Variants in B4GALNT3 observed in about 807,000 individuals in gnomAD.
The protein encoded by B4GALNT3 is beta-1,4-N-acetyl-galactosaminyltransferase 3, also known as beta-1,4-N-acetylgalactosaminyltransferase 3.
In B4GALNT3, 86 loss-of-function variants were observed where a neutral mutation model predicts 120.2. The ratio of observed to expected loss-of-function variants is 0.72; its 90% confidence interval spans 0.60 to 0.86. The LOEUF (loss-of-function observed/expected upper bound fraction) is 0.86. Among genes scored for constraint, B4GALNT3 ranks in the 40% least tolerant of loss-of-function variants. The pLI is 0.00. For synonymous variants in B4GALNT3, 518 were observed against 510.4 expected, an observed-to-expected ratio of 1.01 and a Z score of -0.20; for missense variants, 1,167 against 1,298.9, an observed-to-expected ratio of 0.90 and a Z score of 1.56.
chr12:476,321 C>A (rs1482879574), intron 1 of B4GALNT3, among the ~76,000 whole-genome samples: 1 of 152,202 alleles, frequency 6.6e-6, no homozygotes, highest in Non-Finnish European at 1.5e-5. Context: ...CAGTGGCTCA[C>A]ATCTGTAATC....
chr12:515,360 AT>A (rs373660612), intron 1 of B4GALNT3, among the ~76,000 whole-genome samples: 2,353 of 149,092 alleles, frequency 0.016, 74 homozygotes, highest in African/African-American at 0.054. Flanking sequence ...CACCCAGCTA[AT>A]TTTTTTTTTC....
chr12:467,119 AT>A lies in B4GALNT3; in HGVS notation c.169+6580del, dbSNP rs1431248617. On this transcript the variant is annotated intron_variant, in intron 1 of 19. Transcript: ENST00000266383. ...TTTTTTAAATTAAATTAATGAAAGT[AT>A]TTTTTGAGACTGAGTCTTACTCTGT... Among the ~76,000 whole-genome samples the A allele has an allele frequency of 1.4e-4, 21 of 145,122 alleles. No individual in the cohort carries two copies. In the South Asian group the frequency reaches 4.7e-3, roughly 32 times the overall value.
At chr12:534,820 A>G (rs1386580451) in intron 1 of B4GALNT3, among the ~76,000 whole-genome samples, 1 of 152,160 alleles carries the variant, frequency 6.6e-6, no homozygotes, top group African/African-American at 2.4e-5. Context: ...TGTCACGACC[A>G]TCTCTCCACG....
intron 1 of B4GALNT3, among the ~76,000 whole-genome samples, chr12:527,059 G>A (rs1004710803): frequency 1.3e-5 from 2 of 151,984 alleles, no homozygotes; most frequent in African/African-American, 4.8e-5. Context: ...ACACAGGTGC[G>A]CACCACCACG....
intron 1 of B4GALNT3, among the ~76,000 whole-genome samples, chr12:506,814 C>T (rs1012860574): frequency 5.9e-5 from 9 of 151,986 alleles, no homozygotes; most frequent in South Asian, 2.1e-4. Context: ...TTTTTTGTAT[C>T]TTTAGTAGAG....
chr12:556,894 C>G, intron 15 of B4GALNT3, 28 bp downstream of exon 15: 1 of 1,580,970 alleles, frequency 6.3e-7, no homozygotes, highest in South Asian at 1.2e-5. Context: ...CCTCGGCATT[C>G]TCAGGGGCGG....
intron 9 of B4GALNT3, 84 bp from the exon 10 acceptor site, chr12:549,685 C>A (rs572674236): frequency 2.6e-6 from 4 of 1,544,990 alleles, no homozygotes; most frequent in Non-Finnish European, 3.6e-6. Context: ...GCCCCTTCTG[C>A]GTCTCTTCCC....
rs151069014 is a variant in B4GALNT3 at position 558,567 on chromosome 12, C to T, written c.2667C>T (p.Ile889=). Reference sequence around the variant, plus strand: ...ACATCCACTTCCCAGCTGGAGTCATCGATGCCATTCGGAAGCACTGTGTGG... The same window carrying T: ...ACATCCACTTCCCAGCTGGAGTCATTGATGCCATTCGGAAGCACTGTGTGG... ...DLHIHFPAGV[I]DAIRKHCVEG... is the part of the protein sequence containing the mutation. Residue 889 remains isoleucine (I), a synonymous_variant, in exon 18 of 20, where the codon ATC becomes ATT. Coordinates refer to ENST00000266383, the MANE Select transcript of B4GALNT3 (RefSeq NM_173593.4). The T allele has an allele frequency of 2.8e-5, 46 of 1,614,038 alleles. No homozygotes were observed. The highest frequency in any genetic ancestry group is 1.6e-4 in the Middle Eastern group (1 of 6,084).
Position 553,964 on chromosome 12 carries a change from C to T in B4GALNT3, c.2041C>T (p.Leu681Phe). 1 of 1,613,026 alleles carries T rather than the reference C, an allele frequency of 6.2e-7. No homozygotes were observed. Among genetic ancestry groups the T allele is most frequent in the South Asian group, 1.1e-5 (1 of 91,066 alleles). ...LEVTRVFLKK[L>F]NQRSRGRYQL... is the part of the protein sequence containing the mutation. Reference sequence around the variant, plus strand: ...GGTCACGCGAGTCTTCTTGAAGAAGCTCAACCAGAGGAGCCGGGGGTAAGG... The same window carrying T: ...GGTCACGCGAGTCTTCTTGAAGAAGTTCAACCAGAGGAGCCGGGGGTAAGG... The change falls in exon 14 of 20, where the codon CTC (leucine) becomes TTC (phenylalanine). Residue 681 changes from leucine (L) to phenylalanine (F), a missense_variant. Leu to Phe is a conservative substitution (Grantham distance 22). Coordinates refer to ENST00000266383, the MANE Select transcript of B4GALNT3 (RefSeq NM_173593.4).
rs752346605 is a variant in B4GALNT3, at chr12:553,247, A to T, written c.1324A>T (p.Thr442Ser). The T allele has an allele frequency of 6.2e-7, 1 of 1,613,186 alleles. No individual in the cohort carries two copies. Among genetic ancestry groups the T allele is most frequent in the East Asian group, 2.2e-5 (1 of 44,872 alleles). The change falls in exon 14 of 20, where the codon ACC becomes TCC. Residue 442 changes from threonine to serine, a missense_variant. Physicochemically the swap from Thr to Ser is moderately conservative, Grantham distance 58 (BLOSUM62 1). Around this residue, in one of 3 missense-constraint regions of B4GALNT3, gnomAD observed 983 missense variants for 1,102.5 expected, o/e 0.89. Coordinates refer to ENST00000266383, the MANE Select transcript of B4GALNT3 (RefSeq NM_173593.4). Reference protein sequence around the residue: ...ESQYGEVAEETPASNNQNARM... With the variant: ...ESQYGEVAEESPASNNQNARM... ...CCAGTATGGGGAAGTGGCAGAGGAG[A>T]CCCCTGCCTCCAACAACCAGAATGC... is the stretch of plus-strand genomic sequence containing the variant.
intron 14 of B4GALNT3, chr12:555,189 AAAAG>A (rs529869492): frequency 1.8e-3 from 598 of 335,604 alleles, no homozygotes; most frequent in Middle Eastern, 3.1e-3. Context: ...AAAAAAAAGA[AAAAG>A]AAAGAAAAAA....
At chr12:499,359 C>T (rs772031287) in intron 1 of B4GALNT3, among the ~76,000 whole-genome samples, 7 of 151,276 alleles carry the variant, frequency 4.6e-5, no homozygotes, top group Non-Finnish European at 7.4e-5. Context: ...CTATCTAGAA[C>T]AGTCCTAGCC....
At chr12:483,758 C>G (rs977736038) in intron 1 of B4GALNT3, among the ~76,000 whole-genome samples, 1 of 152,212 alleles carries the variant, frequency 6.6e-6, no homozygotes, top group African/African-American at 2.4e-5. Flanking sequence ...TTAATCCTCA[C>G]AACGGACACT....
chr12:508,159 C>T (rs768666320), intron 1 of B4GALNT3, among the ~76,000 whole-genome samples: 11 of 152,260 alleles, frequency 7.2e-5, no homozygotes, highest in Admixed American at 1.3e-4. Context: ...CCTGCCAGCC[C>T]AGACCTGTCC....
chr12:524,844 G>A (rs956271143), intron 1 of B4GALNT3, among the ~76,000 whole-genome samples: 9 of 152,278 alleles, frequency 5.9e-5, no homozygotes, highest in African/African-American at 2.2e-4. Flanking sequence ...AGTGCTTAGC[G>A]TGATGACTGG....
chr12:461,538 C>T (rs912007982), intron 1 of B4GALNT3, among the ~76,000 whole-genome samples: 1 of 152,202 alleles, frequency 6.6e-6, no homozygotes, highest in Non-Finnish European at 1.5e-5. Context: ...AGGTGCCCAA[C>T]GCAAGCCCGG....
At chr12:467,456 G>A (rs1946092900) in intron 1 of B4GALNT3, among the ~76,000 whole-genome samples, 1 of 152,172 alleles carries the variant, frequency 6.6e-6, no homozygotes, top group African/African-American at 2.4e-5. Context: ...CTACTCGGGA[G>A]GCTGAGGCAC....
chr12:556,989 G>A, intron 15 of B4GALNT3, 123 bp downstream of exon 15: 1 of 1,008,020 alleles, frequency 9.9e-7, no homozygotes, highest in South Asian at 1.8e-5. Flanking sequence ...CCTTATAGTT[G>A]AGGAAACTGA....
rs1162341386 is a variant in B4GALNT3 at position 512,697 on chromosome 12, ACCTTCCG to A, written c.170-22462_170-22456del. Among the ~76,000 whole-genome samples the A allele has an allele frequency of 6.5e-4, 41 of 62,724 alleles. 2 individuals carry two copies. In the South Asian group the frequency reaches 7.8e-3, roughly 12 times the overall value. The allele number at this position is 62,724 out of a possible 152,430, so 41.1% of individuals were successfully genotyped here. ...ACCTTCCACCTTCGATCTTCCTTCC[ACCTTCCG>A]CCTTCCACCTTCCACCTTCCACCTT... On this transcript the variant is annotated intron_variant, in intron 1 of 19. Transcript: ENST00000266383.
Sources: gnomAD v4.1 joint callset for allele counts (sites outside exome capture counted in the v4.1 genomes callset) on GRCh38, gnomAD v4.1.1 for gene constraint, gnomAD v4.1.1 regional missense constraint, MANE v1.5 for transcripts, NCBI Gene and HGNC (gene_info 2026-07-23, HGNC 2026-07-21) for gene names.